The following NUCB1 variants were observed in gnomAD, a reference collection of about 807,000 sequenced individuals.
NUCB1 encodes the protein nucleobindin 1.
NUCB1 carries 47 observed loss-of-function variants against 61.2 expected under a neutral mutation model. The observed-to-expected ratio is 0.77, with a 90% CI of 0.61 to 0.98. NUCB1 has a LOEUF of 0.98. Among genes scored for constraint, NUCB1 ranks in the 50% least tolerant of loss-of-function variants. The pLI, the probability that NUCB1 is intolerant of heterozygous loss-of-function variation, is 0.00. For synonymous variants in NUCB1, 234 were observed against 243.1 expected, an observed-to-expected ratio of 0.96 and a Z score of 0.35; for missense variants, 583 against 605.3, an observed-to-expected ratio of 0.96 and a Z score of 0.39.
Position 48,904,225 on chromosome 19 carries a change from G to C in NUCB1, c.136-122G>C. On this transcript the variant is annotated intron_variant, in intron 2 of 12. Transcript: ENST00000405315. ...TCATTTCATCTTTGCTGCATATGTGGGAAAAGGTAAAAACTGAGTCCCTTG... is the reference window on the plus strand; with the variant it reads ...TCATTTCATCTTTGCTGCATATGTGCGAAAAGGTAAAAACTGAGTCCCTTG... 4.9e-6 allele frequency: 3 copies of C among 611,322 alleles called. No individual in the cohort carries two copies. In the South Asian group the frequency reaches 6.0e-5, roughly 12 times the overall value. The allele number at this position is 611,322 out of a possible 1,614,324, so 37.9% of individuals were successfully genotyped here. A position where few individuals can be genotyped will look rare whatever the true frequency, so the allele number is the denominator to read the frequency against.
At chr19:48,915,265 G>T (rs1164023324) in intron 7 of NUCB1, among the ~76,000 whole-genome samples, 1 of 152,094 alleles carries the variant, frequency 6.6e-6, no homozygotes, top group Non-Finnish European at 1.5e-5. Context: ...GGTCCCTTGA[G>T]GCCAGGAGTT....
At chr19:48,912,274 C>A (rs1032271968) in intron 5 of NUCB1, among the ~76,000 whole-genome samples, 2 of 152,040 alleles carry the variant, frequency 1.3e-5, no homozygotes, top group Non-Finnish European at 2.9e-5. Flanking sequence ...GATCCTCCCA[C>A]CCTAGCCTCC....
intron 9 of NUCB1, 23 bp downstream of exon 9, chr19:48,919,145 G>A (rs2037576689): frequency 1.9e-6 from 3 of 1,613,620 alleles, no homozygotes; most frequent in Admixed American, 1.7e-5. Flanking sequence ...CCAGGCGGGG[G>A]AGAGGACGGG....
Position 48,911,215 on chromosome 19 carries a change from C to G in NUCB1, c.443C>G (p.Thr148Arg). The G allele has an allele frequency of 1.2e-6, 2 of 1,613,726 alleles. No individual in the cohort carries two copies. The highest frequency in any genetic ancestry group is 1.7e-6 in the Non-Finnish European group (2 of 1,179,790). Residue 148 changes from threonine to arginine, a missense_variant, in exon 5 of 13, where the codon ACA becomes AGA. Physicochemically the swap from Thr to Arg is moderately conservative, Grantham distance 71 (BLOSUM62 -1). Coordinates refer to ENST00000405315, the MANE Select transcript of NUCB1 (RefSeq NM_006184.6). ...CACCTGGACCCTCAGAACCAGCATA[C>G]ATTCGAGGCCCGCGACCTGGAGCTG... ...FEHLDPQNQHTFEARDLELLI... is the reference protein window; with the variant it reads ...FEHLDPQNQHRFEARDLELLI...
intron 10 of NUCB1, among the ~76,000 whole-genome samples, chr19:48,920,409 C>T (rs1023209909): frequency 1.3e-5 from 2 of 152,182 alleles, no homozygotes; most frequent in African/African-American, 4.8e-5. Flanking sequence ...TCACTGCAGC[C>T]TTGAATTCCT....
chr19:48,921,758 A>G (rs1454363506), intron 11 of NUCB1, 69 bp from the exon 12 acceptor site: 4 of 1,457,594 alleles, frequency 2.7e-6, no homozygotes, highest in Non-Finnish European at 3.8e-6. Context: ...CCGTTTGGGG[A>G]CTGAGGCCTG....
intron 4 of NUCB1, among the ~76,000 whole-genome samples, chr19:48,909,184 C>T (rs2122178325): frequency 6.6e-6 from 1 of 151,898 alleles, no homozygotes; most frequent in Admixed American, 6.6e-5. Context: ...ACCATCTTTC[C>T]TCTCTGTGTG....
chr19:48,906,701 C>T (rs967321107), intron 4 of NUCB1, among the ~76,000 whole-genome samples: 6 of 151,516 alleles, frequency 4.0e-5, no homozygotes, highest in African/African-American at 7.3e-5. Context: ...CCAGCCTGGG[C>T]GACAGAACAA....
intron 2 of NUCB1, 89 bp from the exon 3 acceptor site, chr19:48,904,258 C>T: frequency 2.5e-6 from 2 of 795,800 alleles, no homozygotes; most frequent in South Asian, 1.5e-5. Flanking sequence ...TTGTCAGCTG[C>T]CCCAGGGAGC....
At chr19:48,901,074 G>A in intron 2 of NUCB1, 143 bp downstream of exon 2, 1 of 975,194 alleles carries the variant, frequency 1.0e-6, no homozygotes, top group South Asian at 1.4e-5. Context: ...ATTCCTCCCA[G>A]CAGCAGGGGT....
chr19:48,906,403 CAAAAA>C (rs550726351), intron 4 of NUCB1, among the ~76,000 whole-genome samples: 1 of 115,922 alleles, frequency 8.6e-6, no homozygotes, highest in African/African-American at 3.1e-5. Context: ...AACTCTGACT[CAAAAA>C]AAAAAAAAAA....
At chr19:48,900,526 A>T (rs2037342240) in intron 1 of NUCB1, 154 bp downstream of exon 1, 2 of 538,622 alleles carry the variant, frequency 3.7e-6, no homozygotes, top group African/African-American at 3.8e-5. Context: ...GGTCTGGGGG[A>T]GGAGGCGGCC....
intron 3 of NUCB1, 84 bp downstream of exon 3, chr19:48,904,538 T>C: frequency 1.2e-6 from 1 of 841,130 alleles, no homozygotes. Context: ...TTTTTTTTTT[T>C]TTTTGAGACG....
intron 4 of NUCB1, among the ~76,000 whole-genome samples, chr19:48,908,331 T>C (rs2037433651): frequency 2.0e-5 from 3 of 152,174 alleles, no homozygotes; most frequent in South Asian, 2.1e-4. Flanking sequence ...GGTTTCACCA[T>C]GTTGGCCAGG....
chr19:48,913,687 A>C, intron 7 of NUCB1, 123 bp downstream of exon 7: 1 of 731,488 alleles, frequency 1.4e-6, no homozygotes, highest in Non-Finnish European at 2.4e-6. Flanking sequence ...AGCCAAGCCT[A>C]TGTCCCCTGG....
intron 6 of NUCB1, 30 bp downstream of exon 6, chr19:48,913,226 C>A: frequency 6.4e-7 from 1 of 1,574,538 alleles, no homozygotes; most frequent in South Asian, 1.2e-5. Flanking sequence ...CCATCCACTC[C>A]CTACCACATC....
At chr19:48,908,726 GTGTGTGT>G (rs2037440796) in intron 4 of NUCB1, among the ~76,000 whole-genome samples, 1 of 105,816 alleles carries the variant, frequency 9.5e-6, no homozygotes, top group African/African-American at 3.3e-5. Context: ...CAAGGGGTGT[GTGTGTGT>G]GTGTGTGTGT....
At chr19:48,922,275 G>A in intron 12 of NUCB1, 43 bp from the exon 13 acceptor site, 1 of 1,535,944 alleles carries the variant, frequency 6.5e-7, no homozygotes, top group East Asian at 2.2e-5. Flanking sequence ...GGGGAGGAGG[G>A]GTTCGGATGT....
intron 5 of NUCB1, among the ~76,000 whole-genome samples, chr19:48,911,887 T>G (rs890818253): frequency 6.6e-6 from 1 of 152,088 alleles, no homozygotes; most frequent in Admixed American, 6.6e-5. Context: ...AGGTGGAAAC[T>G]GAGGCACAAA....
Sources: gnomAD v4.1 joint callset for allele counts (sites outside exome capture counted in the v4.1 genomes callset) on GRCh38, gnomAD v4.1.1 for gene constraint, MANE v1.5 for transcripts, NCBI Gene and HGNC (gene_info 2026-07-23, HGNC 2026-07-21) for gene names.